MCC: variants seen among roughly 807,000 people sequenced by gnomAD.
MCC encodes MCC regulator of Wnt signaling pathway.
Under a neutral mutation model 116.2 loss-of-function variants are expected in MCC, and 90 were observed. That is an observed-to-expected ratio of 0.77 (90% CI 0.65 to 0.92). The LOEUF is 0.92. MCC is among the 40% of genes least tolerant of loss of function. The probability of loss-of-function intolerance (pLI) is 0.00; values close to 1 mark genes in which losing one functional copy is unlikely to be tolerated. For synonymous variants in MCC, 578 were observed against 510.5 expected, an observed-to-expected ratio of 1.13 and a Z score of -1.78; for missense variants, 1,516 against 1,312.2, an observed-to-expected ratio of 1.16 and a Z score of -2.40.
intron 3 of MCC, among the ~76,000 whole-genome samples, chr5:113,158,350 C>T (rs1320388217): frequency 6.6e-6 from 1 of 152,214 alleles, no homozygotes; most frequent in Non-Finnish European, 1.5e-5. Flanking sequence ...GCCAACTTCT[C>T]TCATTAAAGG....
At chr5:113,148,792 G>C (rs944460165) in intron 4 of MCC, among the ~76,000 whole-genome samples, 2 of 152,098 alleles carry the variant, frequency 1.3e-5, no homozygotes, top group Non-Finnish European at 2.9e-5. Flanking sequence ...AGTGAGAAGA[G>C]CAGAGAGTAA....
Position 113,071,189 on chromosome 5 carries a change from G to A in MCC, c.1830C>T (p.Thr610=). Reference sequence around the variant, plus strand: ...CGGCATTGCTTTTACATTCCTCCAAGGTTATGGTCAGGAGGTCATTTTGGG... The same window carrying A: ...CGGCATTGCTTTTACATTCCTCCAAAGTTATGGTCAGGAGGTCATTTTGGG... The part of the protein sequence containing the change: ...LKSQNDLLTI[T]LEECKSNAER... Residue 610 remains threonine, a synonymous_variant, in exon 12 of 19, where the codon ACC becomes ACT. Coordinates refer to ENST00000408903, the MANE Select transcript of MCC (RefSeq NM_001085377.2). The A allele has an allele frequency of 3.7e-6, 6 of 1,614,152 alleles. No individual in the cohort carries two copies. Among genetic ancestry groups the A allele is most frequent in the Non-Finnish European group, 5.1e-6 (6 of 1,180,026 alleles).
intron 14 of MCC, among the ~76,000 whole-genome samples, chr5:113,058,721 T>C (rs191988920): frequency 7.0e-4 from 106 of 152,350 alleles, no homozygotes; most frequent in Non-Finnish European, 1.2e-3. Flanking sequence ...ACCCAATGTT[T>C]CTGGGCTGCA....
At chr5:113,163,811 G>A (rs953246369) in intron 3 of MCC, among the ~76,000 whole-genome samples, 2 of 152,120 alleles carry the variant, frequency 1.3e-5, no homozygotes, top group Non-Finnish European at 2.9e-5. Context: ...CTACACTTAA[G>A]ATAGTTTATG....
rs572239074 is a variant in MCC at position 113,405,685 on chromosome 5, T to C, written c.171-20473A>G. Among the ~76,000 whole-genome samples the C allele has an allele frequency of 1.2e-3, 186 of 152,154 alleles. 2 individuals carry two copies. Among genetic ancestry groups the C allele is most frequent in the African/African-American group, 4.4e-3 (184 of 41,512 alleles). On this transcript the variant is annotated intron_variant, in intron 1 of 18. Coordinates refer to ENST00000408903, the MANE Select transcript of MCC (RefSeq NM_001085377.2). ...AGCCAGGCGTGGTGGCATGTGCCTGTAGTCCTAGCTACTTAGAAAGCTAAG... is the reference window on the plus strand; with the variant it reads ...AGCCAGGCGTGGTGGCATGTGCCTGCAGTCCTAGCTACTTAGAAAGCTAAG...
intron 14 of MCC, among the ~76,000 whole-genome samples, chr5:113,063,383 C>T (rs1416584078): frequency 6.6e-6 from 1 of 152,148 alleles, no homozygotes; most frequent in African/African-American, 2.4e-5. Context: ...TTTCAAGCAC[C>T]CACTTTAATT....
chr5:113,269,220 C>G (rs567305628), intron 3 of MCC: 4 of 985,238 alleles, frequency 4.1e-6, no homozygotes, highest in Admixed American at 6.1e-5. Context: ...GTCAGGGCCC[C>G]GCAATCTCTC....
chr5:113,402,210 CG>C lies in MCC; in HGVS notation c.171-16999del, dbSNP rs1211278564. Reference sequence around the variant, plus strand: ...TCCGGAGGCTGAGGCAGGAGAATGGCGTGAACCCGGGAGGCGGAGCTTGCAG... The same window carrying C: ...TCCGGAGGCTGAGGCAGGAGAATGGCTGAACCCGGGAGGCGGAGCTTGCAG... On this transcript the variant is annotated intron_variant, in intron 1 of 18. Coordinates refer to ENST00000408903, the MANE Select transcript of MCC (RefSeq NM_001085377.2). Among the ~76,000 whole-genome samples, 5 of 147,946 alleles carry C rather than the reference CG, an allele frequency of 3.4e-5. No homozygotes were observed. In the East Asian group the frequency reaches 1.0e-3, roughly 30 times the overall value.
chr5:113,060,214 A>G (rs1753124297), intron 14 of MCC, among the ~76,000 whole-genome samples: 5 of 152,254 alleles, frequency 3.3e-5, no homozygotes, highest in South Asian at 2.1e-4. Flanking sequence ...GGAGTGCAAT[A>G]GCATGATTTG....
intron 3 of MCC, among the ~76,000 whole-genome samples, chr5:113,218,370 A>T (rs1443617382): frequency 6.6e-6 from 1 of 152,072 alleles, no homozygotes; most frequent in Non-Finnish European, 1.5e-5. Context: ...GGCAGAGCTG[A>T]ATGTCAGGCA....
intron 17 of MCC, among the ~76,000 whole-genome samples, chr5:113,032,539 A>C (rs913298200): frequency 6.6e-6 from 1 of 152,206 alleles, no homozygotes; most frequent in Non-Finnish European, 1.5e-5. Context: ...GAAAATTTAA[A>C]ATTACATACA....
intron 1 of MCC, chr5:113,437,148 T>G (rs1407123749): frequency 1.3e-5 from 2 of 152,216 alleles, no homozygotes; most frequent in Non-Finnish European, 2.9e-5. Context: ...TTATGTTTAC[T>G]CTTTGTAATT....
intron 3 of MCC, among the ~76,000 whole-genome samples, chr5:113,310,075 C>T (rs1180112145): frequency 6.6e-6 from 1 of 152,212 alleles, no homozygotes; most frequent in African/African-American, 2.4e-5. Flanking sequence ...CAGCAGCCTA[C>T]TCTTGGCCCT....
At chr5:113,059,744 C>T (rs1418617948) in intron 14 of MCC, among the ~76,000 whole-genome samples, 1 of 152,242 alleles carries the variant, frequency 6.6e-6, no homozygotes, top group Non-Finnish European at 1.5e-5. Flanking sequence ...CTTTCCTCTG[C>T]ATCTGTTCAT....
chr5:113,042,305 C>CAAAAAAAAA (rs59401267), intron 17 of MCC, among the ~76,000 whole-genome samples: 1 of 89,502 alleles, frequency 1.1e-5, no homozygotes, highest in Non-Finnish European at 2.3e-5. Context: ...GACCCTGTCT[C>CAAAAAAAAA]AAAAAAAAAA....
At chr5:113,107,372 C>T (rs1424581087) in intron 6 of MCC, among the ~76,000 whole-genome samples, 9 of 152,072 alleles carry the variant, frequency 5.9e-5, no homozygotes, top group African/African-American at 2.2e-4. Context: ...CGTGTGCCAC[C>T]ACACCTAGCT....
At chr5:113,458,710 C>T (rs1580403309) in intron 1 of MCC, among the ~76,000 whole-genome samples, 1 of 152,154 alleles carries the variant, frequency 6.6e-6, no homozygotes, top group East Asian at 1.9e-4. Context: ...GGGCTACTGA[C>T]CTGAGCTGCT....
chr5:113,030,265 T>C (rs1750863256), intron 17 of MCC, among the ~76,000 whole-genome samples: 1 of 152,188 alleles, frequency 6.6e-6, no homozygotes, highest in African/African-American at 2.4e-5. Context: ...ACATCACTTA[T>C]ATTTGGATTC....
At chr5:113,277,588 A>C (rs1765877387) in intron 3 of MCC, among the ~76,000 whole-genome samples, 1 of 152,212 alleles carries the variant, frequency 6.6e-6, no homozygotes. Context: ...TTTAAAAACC[A>C]TGACTTAAAA....
Sources: allele counts gnomAD v4.1 joint callset (sites outside exome capture counted in the v4.1 genomes callset), GRCh38; gene constraint gnomAD v4.1.1; transcripts MANE v1.5; gene names NCBI Gene and HGNC (gene_info 2026-07-23, HGNC 2026-07-21).